The following TMC4 variants were observed in gnomAD, a reference collection of about 807,000 sequenced individuals.
TMC4 encodes the protein voltage-gated chloride channel TMC4.
Under a neutral mutation model 82.0 loss-of-function variants are expected in TMC4, and 70 were observed. The ratio of observed to expected loss-of-function variants is 0.85; its 90% CI spans 0.70 to 1.04. TMC4 has a LOEUF of 1.04. TMC4 is among the 50% of genes least tolerant of loss of function. The pLI, the probability that TMC4 is intolerant of heterozygous loss-of-function variation, is 0.00. For synonymous variants in TMC4, 446 were observed against 406.0 expected (o/e 1.10, Z -1.18); for missense variants, 879 against 899.0 (o/e 0.98, Z 0.28).
In TMC4 at chr19:54,168,657, A is replaced by G. The variant is rs1308935005; in HGVS notation, c.466T>C (p.Ser156Pro). The change falls in exon 4 of 15, where the codon TCC becomes CCC. Residue 156 changes from serine to proline, a missense_variant. Transcript: ENST00000619895. ...AGGAAGCGCAGCAGGGAGAAGTAGG[A>G]CTCCGTGCCGGCGCCAAACTGGCCT... ...IGGQFGAGTE[S>P]YFSLLRFLLL... The G allele has an allele frequency of 4.5e-6, 7 of 1,559,358 alleles. No individual in the cohort carries two copies. Among genetic ancestry groups the G allele is most frequent in the Non-Finnish European group, 6.1e-6 (7 of 1,152,210 alleles).
chr19:54,171,747 C>G, intron 2 of TMC4, 123 bp downstream of exon 2: 2 of 819,334 alleles, frequency 2.4e-6, no homozygotes, highest in Non-Finnish European at 3.6e-6. Context: ...CAGCTCTGAG[C>G]GGGGCAGAGA....
intron 5 of TMC4, 38 bp downstream of exon 5, chr19:54,168,133 C>G: frequency 6.4e-7 from 1 of 1,574,162 alleles, no homozygotes; most frequent in Non-Finnish European, 8.6e-7. Context: ...CCACCCCAAC[C>G]CGTCCCGTCA....
intron 7 of TMC4, among the ~76,000 whole-genome samples, 191 bp downstream of exon 7, chr19:54,164,243 G>T (rs181422950): frequency 1.3e-3 from 202 of 152,132 alleles, no homozygotes; most frequent in Middle Eastern, 6.8e-3. Context: ...AAAGTGCTGG[G>T]ATTACAGGTG....
intron 3 of TMC4, 85 bp downstream of exon 3, chr19:54,169,427 C>T (rs1267464921): frequency 1.3e-6 from 2 of 1,497,708 alleles, no homozygotes; most frequent in Non-Finnish European, 1.8e-6. Context: ...CTCCCTCAAA[C>T]CCAGGAGTCC....
At position 54,165,547 on chromosome 19, in the gene TMC4, G is replaced by C. The variant is rs760428000; in HGVS notation, c.817C>G (p.Gln273Glu). The change falls in exon 6 of 15, where the codon CAG becomes GAG. Residue 273 changes from glutamine to glutamate, a missense_variant. Transcript: ENST00000619895. ...ILHRSVSGLK[Q>E]TLLAESEALT... ...GCCTCGGACTCCGCCAGCAGTGTCT[G>C]CTTCAGCCCAGACACCGAGCTGAGA... is the stretch of plus-strand genomic sequence containing the variant. The C allele has an allele frequency of 6.2e-7, 1 of 1,608,980 alleles. No individual in the cohort carries two copies. Among genetic ancestry groups the C allele is most frequent in the South Asian group, 1.1e-5 (1 of 90,818 alleles).
At chr19:54,171,102 TGC>T (rs1167437992) in intron 2 of TMC4, among the ~76,000 whole-genome samples, 2 of 28,164 alleles carry the variant, frequency 7.1e-5, no homozygotes, top group African/African-American at 3.4e-4. Flanking sequence ...TACACACATA[TGC>T]ATATATATAC....
In TMC4 at chr19:54,165,531, T is replaced by G. The variant is rs2075682453; in HGVS notation, c.833A>C (p.Glu278Ala). 1 of 1,610,916 alleles carries G rather than the reference T, an allele frequency of 6.2e-7. No homozygotes were observed. The highest frequency in any genetic ancestry group is 8.5e-7 in the Non-Finnish European group (1 of 1,178,456). Reference sequence around the variant, plus strand: ...GCTGTAGCTGGTCAGAGCCTCGGACTCCGCCAGCAGTGTCTGCTTCAGCCC... The same window carrying G: ...GCTGTAGCTGGTCAGAGCCTCGGACGCCGCCAGCAGTGTCTGCTTCAGCCC... ...VSGLKQTLLAESEALTSYSHR... is the reference protein window; with the variant it reads ...VSGLKQTLLAASEALTSYSHR... The change falls in exon 6 of 15, where the codon GAG becomes GCG. Residue 278 changes from glutamate to alanine, a missense_variant. Glu to Ala is a moderately radical substitution (Grantham distance 107, BLOSUM62 -1). Coordinates refer to ENST00000619895, the MANE Select transcript of TMC4 (RefSeq NM_144686.4).
intron 2 of TMC4, among the ~76,000 whole-genome samples, chr19:54,170,804 T>A (rs1406038840): frequency 6.6e-6 from 1 of 151,918 alleles, no homozygotes; most frequent in Non-Finnish European, 1.5e-5. Context: ...AGCCCTCCAA[T>A]GCACTTTAAA....
In TMC4 at chr19:54,164,608, G is replaced by A; in HGVS notation, c.946-7C>T. 1.2e-6 allele frequency: 2 copies of A among 1,612,544 alleles called. No individual in the cohort carries two copies. The highest frequency in any genetic ancestry group is 1.7e-6 in the Non-Finnish European group (2 of 1,179,930). ...CTGTCTCCTCCAGCTCCACCTGAAG[G>A]CAGGAGAGATGCCCGCTTGGACTCC... On this transcript the variant is annotated splice_polypyrimidine_tract_variant and splice_region_variant and intron_variant, in intron 6 of 14. Transcript: ENST00000619895.
intron 2 of TMC4, 28 bp downstream of exon 2, chr19:54,171,842 C>T (rs779533568): frequency 1.5e-5 from 23 of 1,563,934 alleles, no homozygotes; most frequent in South Asian, 4.8e-5. Context: ...CCGGGCTGTG[C>T]GGGTCCCAGC....
intron 11 of TMC4, 108 bp from the exon 12 acceptor site, chr19:54,161,368 T>C (rs1439716904): frequency 8.0e-7 from 1 of 1,252,368 alleles, no homozygotes; most frequent in East Asian, 2.9e-5. Flanking sequence ...CGCCCAGGCT[T>C]TTTTTTTTGA....
chr19:54,161,806 T>G (rs1481766376), intron 11 of TMC4, among the ~76,000 whole-genome samples: 3 of 152,102 alleles, frequency 2.0e-5, no homozygotes. Flanking sequence ...TCTCCCGAAG[T>G]GCTGGGATTA....
chr19:54,162,311 G>C, intron 10 of TMC4, 26 bp from the exon 11 acceptor site: 2 of 1,456,402 alleles, frequency 1.4e-6, no homozygotes, highest in Non-Finnish European at 1.8e-6. Flanking sequence ...GGGCCGGGCC[G>C]GAGTCAGGGG....
At position 54,160,480 on chromosome 19, in the gene TMC4, C is replaced by A; in HGVS notation, c.2039G>T (p.Arg680Leu). 6.2e-7 allele frequency: 1 copy of A among 1,614,070 alleles called. No individual in the cohort carries two copies. The highest frequency in any genetic ancestry group is 8.5e-7 in the Non-Finnish European group (1 of 1,179,972). Residue 680 changes from arginine (R) to leucine (L), a missense_variant, in exon 14 of 15, where the codon CGT becomes CTT. Physicochemically the swap from Arg to Leu is moderately radical, Grantham distance 102. Coordinates refer to ENST00000619895, the MANE Select transcript of TMC4 (RefSeq NM_144686.4). Reference sequence around the variant, plus strand: ...CGCCTGGCTCACCGTCTCTCTCTGACGTTTGAGCTCAGAGATGAGGCGTCC... The same window carrying A: ...CGCCTGGCTCACCGTCTCTCTCTGAAGTTTGAGCTCAGAGATGAGGCGTCC... ...SYGRLISELK[R>L]QRETEAQNKV... is the part of the protein sequence containing the mutation.
chr19:54,164,527 C>T lies in TMC4; in HGVS notation c.1020G>A (p.Leu340=), dbSNP rs1423639789. 4 of 1,613,844 alleles carry T rather than the reference C, an allele frequency of 2.5e-6. No individual in the cohort carries two copies. The African/African-American group carries it at 5.3e-5, about 22-fold the overall frequency. The change falls in exon 7 of 15, where the codon TTG becomes TTA. Residue 340 remains leucine (L), a synonymous_variant. Coordinates refer to ENST00000619895, the MANE Select transcript of TMC4 (RefSeq NM_144686.4). ...RTLGQQARVW[L]VRVLLNLLVV... Reference sequence around the variant, plus strand: ...CCAGCAGGTTGAGCAGCACCCGCACCAACCAAACCCTGGCTTGCTGGCCCA... The same window carrying T: ...CCAGCAGGTTGAGCAGCACCCGCACTAACCAAACCCTGGCTTGCTGGCCCA...
At chr19:54,161,306 C>G (rs1205026032) in intron 11 of TMC4, 46 bp from the exon 12 acceptor site, 1 of 1,310,598 alleles carries the variant, frequency 7.6e-7, no homozygotes, top group Admixed American at 3.2e-5. Context: ...ACACAAGAGT[C>G]TGTGCCTCCA....
intron 9 of TMC4, 96 bp from the exon 10 acceptor site, chr19:54,162,866 G>T: frequency 6.6e-7 from 1 of 1,505,382 alleles, no homozygotes; most frequent in Non-Finnish European, 9.2e-7. Context: ...ATGAGACCCT[G>T]TCAATACTTT....
chr19:54,160,962 A>G lies in TMC4; in HGVS notation c.1889T>C (p.Ile630Thr). 2 of 1,614,184 alleles carry G rather than the reference A, an allele frequency of 1.2e-6. No individual in the cohort carries two copies. Among genetic ancestry groups the G allele is most frequent in the African/African-American group, 2.7e-5 (2 of 75,048 alleles). Residue 630 changes from isoleucine to threonine, a missense_variant, in exon 13 of 15, where the codon ATT becomes ACT. By Grantham distance (89) the Ile-to-Thr change is moderately conservative. Coordinates refer to ENST00000619895, the MANE Select transcript of TMC4 (RefSeq NM_144686.4). ...CTGGGTGGTCTCAGGGAGGCTGGAA[A>G]TAGACTCAGGGATCTGGGCCCAGAT... ...SSIWAQIPESISSLPETTQNF... is the reference protein window; with the variant it reads ...SSIWAQIPESTSSLPETTQNF...
chr19:54,164,286 T>A, intron 7 of TMC4, 148 bp downstream of exon 7: 1 of 1,112,602 alleles, frequency 9.0e-7, no homozygotes, highest in Non-Finnish European at 1.3e-6. Flanking sequence ...CTTTTTCCTT[T>A]AAAATCCCTA....
Sources: gnomAD v4.1 joint callset for allele counts (sites outside exome capture counted in the v4.1 genomes callset) on GRCh38, gnomAD v4.1.1 for gene constraint, MANE v1.5 for transcripts, NCBI Gene and HGNC (gene_info 2026-07-23, HGNC 2026-07-21) for gene names.